The following ASIC4 variants were observed in gnomAD, a reference collection of about 807,000 sequenced individuals.
ASIC4 encodes the protein acid sensing ion channel subunit family member 4.
In ASIC4, 28 loss-of-function variants were observed where a neutral mutation model predicts 53.4. The observed-to-expected ratio is 0.52, with a 90% confidence interval of 0.39 to 0.72. The LOEUF is 0.72. Ranked by LOEUF, ASIC4 falls within the 30% of genes least tolerant of loss-of-function variation. The pLI is 0.00. For missense variants in ASIC4, 649 were observed against 729.7 expected (o/e 0.89, Z 1.27); for synonymous variants, 289 against 301.4 (o/e 0.96, Z 0.43).
Position 219,532,148 on chromosome 2 carries a change from C to A in ASIC4, c.855+20C>A, listed in dbSNP as rs59761991. 6.9e-3 allele frequency: 11,208 copies of A among 1,613,768 alleles called. 650 individuals are homozygous for A. The African/African-American group carries it at 0.13, about 18-fold the overall frequency. ...CAGCGGGTGAGCATCTCCTGCTAGG[C>A]CCTGGATTGGGCACAGGGCTCGCCT... is the stretch of plus-strand genomic sequence containing the variant. On this transcript the variant is annotated intron_variant, in intron 3 of 9. Transcript: ENST00000358078.
chr2:219,532,936 CTGGGTCCG>C lies in ASIC4; in HGVS notation c.1075_1075+7del, dbSNP rs1413582975. ...CTACATCGAGTGTGCAGACCACACA[CTGGGTCCG>C]TGCTGCCTACCCTTTCCTACCTCTC... is the stretch of plus-strand genomic sequence containing the variant. On this transcript the variant is annotated splice_donor_variant and splice_donor_5th_base_variant and coding_sequence_variant and intron_variant, in exon 5 of 10. Transcript: ENST00000358078. LOFTEE classifies it high-confidence loss of function. 8 of 1,613,972 alleles carry C rather than the reference CTGGGTCCG, an allele frequency of 5.0e-6. No homozygotes were observed. The highest frequency in any genetic ancestry group is 1.7e-5 in the Admixed American group (1 of 60,010).
At chr2:219,531,945 G>A (rs376578334) in intron 2 of ASIC4, 43 bp downstream of exon 2, 66 of 1,612,688 alleles carry the variant, frequency 4.1e-5, no homozygotes, top group African/African-American at 3.1e-4. Context: ...TGGGGACTGG[G>A]GCCTGGGCCC....
chr2:219,514,491 G>C lies in ASIC4; in HGVS notation c.-234G>C. 1 of 1,550,840 alleles carries C rather than the reference G, an allele frequency of 6.4e-7. No homozygotes were observed. The highest frequency in any genetic ancestry group is 8.7e-7 in the Non-Finnish European group (1 of 1,147,002). Reference sequence around the variant, plus strand: ...CCACAAGGAGACGATCGAGGAGAGAGACAAGCGGCAGCAGAGGCAGCAGCG... The same window carrying C: ...CCACAAGGAGACGATCGAGGAGAGACACAAGCGGCAGCAGAGGCAGCAGCG... On this transcript the variant is annotated 5_prime_UTR_variant, in exon 1 of 10. Coordinates refer to ENST00000358078, the MANE Select transcript of ASIC4 (RefSeq NM_018674.6).
At chr2:219,513,664 G>A (rs992655642), upstream of ASIC4, among the ~76,000 whole-genome samples, 2 of 152,156 alleles carry the variant, frequency 1.3e-5, no homozygotes, top group Admixed American at 6.5e-5. Context: ...GCCCTCCCCC[G>A]AAGCCTGGTT....
upstream of ASIC4, among the ~76,000 whole-genome samples, chr2:219,512,332 T>TAGATGGTGGGTGAATTTAGAG: frequency 6.6e-6 from 1 of 152,188 alleles, no homozygotes; most frequent in African/African-American, 2.4e-5. Flanking sequence ...AAGATCTCAA[T>TAGATGGTGGGTGAATTTAGAG]AGATGGTGGG....
At chr2:219,532,638 T>C in intron 4 of ASIC4, 161 bp downstream of exon 4, 4 of 1,071,544 alleles carry the variant, frequency 3.7e-6, no homozygotes, top group Non-Finnish European at 5.2e-6. Context: ...TTAAACATGG[T>C]TTCACATATG....
the ASIC4 span, among the ~76,000 whole-genome samples, chr2:219,508,460 AG>A: frequency 2.0e-5 from 3 of 152,018 alleles, no homozygotes; most frequent in East Asian, 5.8e-4. Flanking sequence ...CAGTGTTTGA[AG>A]GGGGGTGCCG....
chr2:219,532,860 G>C, intron 4 of ASIC4, 23 bp from the exon 5 acceptor site: 3 of 1,607,550 alleles, frequency 1.9e-6, no homozygotes, highest in Non-Finnish European at 2.6e-6. Context: ...GTAGATTCCA[G>C]GAATAATCTT....
chr2:219,534,056 AAAG>A (rs1695087752), intron 5 of ASIC4: 2 of 150,082 alleles, frequency 1.3e-5, no homozygotes, highest in Admixed American at 6.6e-5. Context: ...AAAAAAAAAA[AAAG>A]AGGAGGGAGG....
rs147146087 is a variant in ASIC4 at position 219,535,648 on chromosome 2, C to CGT, written c.1229+336_1229+337dup. Among the ~76,000 whole-genome samples the CGT allele has an allele frequency of 4.1e-3, 605 of 148,368 alleles. 6 individuals carry two copies. In the East Asian group the frequency reaches 0.063, roughly 16 times the overall value. ...GTCTATGTCTGTGTGGGTCTGTGTG[C>CGT]GTGTGTGTGTGTGGTGGAGGCTGCC... On this transcript the variant is annotated intron_variant, in intron 6 of 9. Coordinates refer to ENST00000358078, the MANE Select transcript of ASIC4 (RefSeq NM_018674.6).
upstream of ASIC4, among the ~76,000 whole-genome samples, chr2:219,513,180 C>T (rs565060909): frequency 6.6e-6 from 1 of 152,166 alleles, no homozygotes; most frequent in Non-Finnish European, 1.5e-5. Flanking sequence ...GCCACCTCCC[C>T]CCGCCCGTCC....
chr2:219,532,871 C>G lies in ASIC4; in HGVS notation c.1019-12C>G. On this transcript the variant is annotated splice_polypyrimidine_tract_variant and intron_variant, in intron 4 of 9. Transcript: ENST00000358078. ...GATCGTAGATTCCAGGAATAATCTT[C>G]TCTCCTTTCAGGCAATGAGACCATC... The G allele has an allele frequency of 6.2e-7, 1 of 1,610,580 alleles. No homozygotes were observed. Among genetic ancestry groups the G allele is most frequent in the South Asian group, 1.1e-5 (1 of 90,900 alleles).
At chr2:219,522,451 G>T (rs1466242550) in intron 1 of ASIC4, among the ~76,000 whole-genome samples, 1 of 151,828 alleles carries the variant, frequency 6.6e-6, no homozygotes, top group African/African-American at 2.4e-5. Flanking sequence ...CTGCCCGGTG[G>T]GGTCGGCCCC....
upstream of ASIC4, among the ~76,000 whole-genome samples, chr2:219,510,471 C>G (rs534011718): frequency 6.6e-6 from 1 of 152,324 alleles, no homozygotes; most frequent in Non-Finnish European, 1.5e-5. This position sits in a 1 kb window ranked among gnomAD's most constrained non-coding sequence, Gnocchi z 5.2. Context: ...GCTGCACACC[C>G]ACTCCCACGA....
rs1030907402 is a variant in ASIC4, at chr2:219,538,288, G to C, written c.*242G>C. The stretch of plus-strand genomic sequence containing the variant: ...TGGAGACCAGGCCATGGGCCCTCAC[G>C]GAGAGGAAGGGAAGGAAGGAGAGGG... On this transcript the variant is annotated 3_prime_UTR_variant, in exon 10 of 10. Transcript: ENST00000358078. The C allele has an allele frequency of 3.9e-6, 2 of 515,208 alleles. No individual in the cohort carries two copies. Among genetic ancestry groups the C allele is most frequent in the Admixed American group, 3.6e-5 (1 of 27,894 alleles). 31.9% of individuals were successfully genotyped at this position (515,208 alleles called of 1,614,324 possible).
rs1695137746 is a variant in ASIC4, at chr2:219,536,457, G to A, written c.1230-609G>A. On this transcript the variant is annotated intron_variant, in intron 6 of 9. Coordinates refer to ENST00000358078, the MANE Select transcript of ASIC4 (RefSeq NM_018674.6). The surrounding 1 kb of genome is among the most constrained non-coding windows in gnomAD (Gnocchi z 4.6). ...AACTCATGCCACAATTTGTCAATGA[G>A]CCCACGTTTGATCATGTAGGACTGA... is the stretch of plus-strand genomic sequence containing the variant. Among the ~76,000 whole-genome samples the A allele has an allele frequency of 6.6e-6, 1 of 152,206 alleles. No individual in the cohort carries two copies. The highest frequency in any genetic ancestry group is 2.4e-5 in the African/African-American group (1 of 41,458).
rs146515175 is a variant in ASIC4, at chr2:219,537,276, G to T, written c.1356G>T (p.Gly452=). ...GGGGACAGATGGGCCTGTTCATTGGGGCCAGCATCCTCACGTTGCTGGAGA... is the reference window on the plus strand; with the variant it reads ...GGGGACAGATGGGCCTGTTCATTGGTGCCAGCATCCTCACGTTGCTGGAGA... The part of the protein sequence containing the change: ...DLGGQMGLFI[G]ASILTLLEIL... The change falls in exon 8 of 10, where the codon GGG becomes GGT. Residue 452 remains glycine (G), a synonymous_variant. Coordinates refer to ENST00000358078, the MANE Select transcript of ASIC4 (RefSeq NM_018674.6). The surrounding 1 kb of genome is among the most constrained non-coding windows in gnomAD (Gnocchi z 4.9). 1.2e-6 allele frequency: 2 copies of T among 1,613,776 alleles called. No homozygotes were observed. The highest frequency in any genetic ancestry group is 1.3e-5 in the African/African-American group (1 of 75,020).
chr2:219,538,134 G>A lies in ASIC4; in HGVS notation c.*88G>A. 8.5e-7 allele frequency: 1 copy of A among 1,171,878 alleles called. No individual in the cohort carries two copies. Among genetic ancestry groups the A allele is most frequent in the Non-Finnish European group, 1.2e-6 (1 of 803,476 alleles). The allele number at this position is 1,171,878 out of a possible 1,614,324, so 72.6% of individuals were successfully genotyped here. A position where few individuals can be genotyped will look rare whatever the true frequency, so the allele number is the denominator to read the frequency against. On this transcript the variant is annotated 3_prime_UTR_variant, in exon 10 of 10. Transcript: ENST00000358078. ...CTCCTGCTCCTGGGAGAGGCCTGGG[G>A]GCGGTGCTCACTGGGAGGGCCAGGA...
the ASIC4 span, among the ~76,000 whole-genome samples, chr2:219,507,401 C>T: frequency 1.7e-4 from 26 of 152,250 alleles, no homozygotes; most frequent in Non-Finnish European, 3.1e-4. Flanking sequence ...GGCCGGTTTT[C>T]CGCTTTGCCA....
Sources: gnomAD v4.1 joint callset for allele counts (sites outside exome capture counted in the v4.1 genomes callset) on GRCh38, gnomAD v4.1.1 for gene constraint, Gnocchi (gnomAD v3.1) non-coding constraint, MANE v1.5 for transcripts, NCBI Gene and HGNC (gene_info 2026-07-23, HGNC 2026-07-21) for gene names.